Variants in STAB2 observed in about 807,000 individuals in gnomAD.
STAB2 encodes stabilin-2.
STAB2 carries 288 observed loss-of-function variants against 338.1 expected under a neutral mutation model. The ratio of observed to expected loss-of-function variants is 0.85; its 90% confidence interval spans 0.77 to 0.94. The LOEUF is 0.94. Among genes scored for constraint, STAB2 ranks in the 40% least tolerant of loss-of-function variants. The pLI, the probability that STAB2 is intolerant of heterozygous loss-of-function variation, is 0.00. For synonymous variants in STAB2, 1,202 were observed against 1,193.3 expected (o/e 1.01, Z -0.15); for missense variants, 3,141 against 3,210.1 (o/e 0.98, Z 0.52).
In STAB2 at chr12:103,591,020, C is replaced by G; in HGVS notation, c.205C>G (p.Arg69Gly). Residue 69 changes from arginine (R) to glycine (G), a missense_variant, in exon 2 of 69, where the codon CGA (arginine) becomes GGA (glycine). Transcript: ENST00000388887. ...TMITSGSVGV[R>G]DCRYTFEVRT... is the part of the protein sequence containing the mutation. ...GATTACCAGTGGCTCTGTAGGGGTTCGAGATTGCAGGTACTCATGAGAAAA... is the reference window on the plus strand; with the variant it reads ...GATTACCAGTGGCTCTGTAGGGGTTGGAGATTGCAGGTACTCATGAGAAAA... 1 of 1,613,732 alleles carries G rather than the reference C, an allele frequency of 6.2e-7. No homozygotes were observed. The highest frequency in any genetic ancestry group is 8.5e-7 in the Non-Finnish European group (1 of 1,179,944).
intron 51 of STAB2, among the ~76,000 whole-genome samples, chr12:103,734,854 C>G (rs1174693159): frequency 1.3e-5 from 2 of 152,182 alleles, no homozygotes; most frequent in African/African-American, 4.8e-5. Context: ...CTCTCCGCTT[C>G]TGGTGGCTTC....
chr12:103,600,815 T>C (rs565883892), intron 3 of STAB2, among the ~76,000 whole-genome samples: 1 of 75,800 alleles, frequency 1.3e-5, no homozygotes, highest in African/African-American at 1.3e-4. Context: ...CCTTCACCCT[T>C]TGCACAGCTA....
chr12:103,759,621 C>T (rs979095801), intron 65 of STAB2, among the ~76,000 whole-genome samples: 1 of 152,132 alleles, frequency 6.6e-6, no homozygotes, highest in Non-Finnish European at 1.5e-5. Context: ...CTGCCACTTG[C>T]TAACTGTAAG....
chr12:103,704,366 G>T (rs576417896), intron 35 of STAB2, among the ~76,000 whole-genome samples, 192 bp from the exon 36 acceptor site: 1 of 152,356 alleles, frequency 6.6e-6, no homozygotes, highest in East Asian at 1.9e-4. Flanking sequence ...AGTCAGAAGA[G>T]TGTTTTGGAG....
rs556604532 is a variant in STAB2, at chr12:103,609,030, T to A, written c.332-11438T>A. Among the ~76,000 whole-genome samples, 3 of 152,372 alleles carry A rather than the reference T, an allele frequency of 2.0e-5. No homozygotes were observed. The South Asian group carries it at 6.2e-4, about 32-fold the overall frequency. ...GGCATTATTTCTGAGGGCTCTGTTC[T>A]GTTCCAATGGTCTATATCGCTGTTT... On this transcript the variant is annotated intron_variant, in intron 3 of 68. Transcript: ENST00000388887.
chr12:103,642,765 AC>A (rs567473373), intron 9 of STAB2, among the ~76,000 whole-genome samples: 62 of 152,188 alleles, frequency 4.1e-4, no homozygotes, highest in Middle Eastern at 3.4e-3. Context: ...CCCCCACTAG[AC>A]CACACTCGGG....
At chr12:103,607,424 A>G (rs1417300759) in intron 3 of STAB2, among the ~76,000 whole-genome samples, 2 of 150,424 alleles carry the variant, frequency 1.3e-5, no homozygotes, top group Non-Finnish European at 2.9e-5. Flanking sequence ...TTTAGGGTAC[A>G]TGTGCGCAAC....
chr12:103,706,823 CCCAATGCCA>C lies in STAB2; in HGVS notation c.4029_4037del (p.Gln1344_Gln1346del). ...GAATGCTGTGCCGGCTTCTTTGGCC[CCCAATGCCA>C]GCCCTGCCCAGGGAATGCCCAGAAT... On this transcript the variant is annotated inframe_deletion, in exon 38 of 69. Transcript: ENST00000388887. The C allele has an allele frequency of 6.2e-7, 1 of 1,614,206 alleles. No individual in the cohort carries two copies. Among genetic ancestry groups the C allele is most frequent in the East Asian group, 2.2e-5 (1 of 44,884 alleles).
Position 103,706,781 on chromosome 12 carries a change from T to C in STAB2, c.3997-11T>C. 6.2e-7 allele frequency: 1 copy of C among 1,614,228 alleles called. No homozygotes were observed. ...AGAAGTGCGTTGTCAAGCTTTGTCCTTCTGTTTCAGACGAGAGAATGCTGT... is the reference window on the plus strand; with the variant it reads ...AGAAGTGCGTTGTCAAGCTTTGTCCCTCTGTTTCAGACGAGAGAATGCTGT... On this transcript the variant is annotated splice_polypyrimidine_tract_variant and intron_variant, in intron 37 of 68. Coordinates refer to ENST00000388887, the MANE Select transcript of STAB2 (RefSeq NM_017564.10).
chr12:103,639,725 A>AAC (rs1363074826), intron 8 of STAB2, among the ~76,000 whole-genome samples: 1 of 151,630 alleles, frequency 6.6e-6, no homozygotes, highest in Non-Finnish European at 1.5e-5. Context: ...AAAAAAAAAA[A>AAC]ACACTTGTTT....
chr12:103,701,499 C>G (rs546493493), intron 34 of STAB2, among the ~76,000 whole-genome samples: 22 of 152,282 alleles, frequency 1.4e-4, no homozygotes, highest in African/African-American at 4.3e-4. Flanking sequence ...AAGAGAAATG[C>G]TTTCTAAATG....
Position 103,662,843 on chromosome 12 carries a change from C to A in STAB2, c.1870-3C>A. The A allele has an allele frequency of 6.2e-7, 1 of 1,612,030 alleles. No homozygotes were observed. The highest frequency in any genetic ancestry group is 8.5e-7 in the Non-Finnish European group (1 of 1,179,358). The stretch of plus-strand genomic sequence containing the variant: ...AATTAGAGATGTCATTTTTTCTTTC[C>A]AGGGACAGATTCTGGCAAATGATGT... On this transcript the variant is annotated splice_region_variant and splice_polypyrimidine_tract_variant and intron_variant, in intron 17 of 68. Transcript: ENST00000388887.
intron 19 of STAB2, 66 bp downstream of exon 19, chr12:103,666,419 C>A: frequency 1.3e-6 from 2 of 1,511,772 alleles, no homozygotes; most frequent in Non-Finnish European, 1.8e-6. Flanking sequence ...GTTTCTCAAC[C>A]TATCTACCTT....
At chr12:103,744,310 A>G (rs1882822050) in intron 56 of STAB2, among the ~76,000 whole-genome samples, 1 of 151,480 alleles carries the variant, frequency 6.6e-6, no homozygotes, top group East Asian at 1.9e-4. Context: ...TACCCAAATA[A>G]TTTTTTATTT....
At chr12:103,729,108 C>A in intron 48 of STAB2, 113 bp downstream of exon 48, 2 of 995,656 alleles carry the variant, frequency 2.0e-6, no homozygotes, top group African/African-American at 1.6e-5. Flanking sequence ...ACAGAAAACC[C>A]AATGCTGCAT....
At chr12:103,740,483 A>T in intron 54 of STAB2, 147 bp from the exon 55 acceptor site, 1 of 1,024,638 alleles carries the variant, frequency 9.8e-7, no homozygotes, top group Non-Finnish European at 1.4e-6. Context: ...GAAAAATATC[A>T]CCTTGGAAAA....
At position 103,759,178 on chromosome 12, in the gene STAB2, A is replaced by G; in HGVS notation, c.7153A>G (p.Met2385Val). 2.5e-6 allele frequency: 4 copies of G among 1,614,164 alleles called. No individual in the cohort carries two copies. Among genetic ancestry groups the G allele is most frequent in the Non-Finnish European group, 3.4e-6 (4 of 1,180,026 alleles). Residue 2385 changes from methionine (M) to valine (V), a missense_variant, in exon 65 of 69, where the codon ATG becomes GTG. Met to Val is a conservative substitution (Grantham distance 21). Coordinates refer to ENST00000388887, the MANE Select transcript of STAB2 (RefSeq NM_017564.10). ...CGAGCACCACCTCGCCAATGTCAGC[A>G]TGTTTTTCTACAATGACCTTGTCAA... ...DIEHHLANVS[M>V]FFYNDLVNGT...
chr12:103,634,690 A>T (rs1038471879), intron 6 of STAB2, among the ~76,000 whole-genome samples: 3 of 152,240 alleles, frequency 2.0e-5, no homozygotes, highest in African/African-American at 7.2e-5. Flanking sequence ...AAAGAAGTGT[A>T]GTTCTCACTC....
intron 37 of STAB2, among the ~76,000 whole-genome samples, chr12:103,706,405 G>A (rs755384995): frequency 3.3e-5 from 5 of 152,298 alleles, no homozygotes; most frequent in East Asian, 1.9e-4. Flanking sequence ...AGTAGTAGAC[G>A]AAATAACATC....
Sources: gnomAD v4.1 joint callset for allele counts (sites outside exome capture counted in the v4.1 genomes callset) on GRCh38, gnomAD v4.1.1 for gene constraint, MANE v1.5 for transcripts, NCBI Gene and HGNC (gene_info 2026-07-23, HGNC 2026-07-21) for gene names.